Variants in SLC25A13 observed in about 807,000 individuals in gnomAD.
The protein encoded by SLC25A13 is electrogenic aspartate/glutamate antiporter SLC25A13, mitochondrial.
Under a neutral mutation model 85.5 loss-of-function variants are expected in SLC25A13, and 70 were observed. The ratio of observed to expected loss-of-function variants is 0.82; its 90% CI spans 0.68 to 1.00. SLC25A13 has a LOEUF of 1.00. Among genes scored for constraint, SLC25A13 ranks in the 50% least tolerant of loss-of-function variants. The pLI, the probability that SLC25A13 is intolerant of heterozygous loss-of-function variation, is 0.00. For missense variants in SLC25A13, 765 were observed against 819.8 expected, an observed-to-expected ratio of 0.93 and a Z score of 0.82; for synonymous variants, 259 against 288.7, an observed-to-expected ratio of 0.90 and a Z score of 1.04.
chr7:96,136,143 C>G (rs926941744), intron 14 of SLC25A13, among the ~76,000 whole-genome samples: 39 of 152,070 alleles, frequency 2.6e-4, no homozygotes, highest in African/African-American at 9.2e-4. Flanking sequence ...ATCAACTCTG[C>G]CTCCATTCCA....
intron 4 of SLC25A13, among the ~76,000 whole-genome samples, chr7:96,213,572 C>T (rs1795781374): frequency 6.6e-6 from 1 of 152,170 alleles, no homozygotes; most frequent in Non-Finnish European, 1.5e-5. Context: ...ATTCCCTGAC[C>T]ATTCCAAACC....
At chr7:96,289,013 G>A (rs1034649377) in intron 2 of SLC25A13, among the ~76,000 whole-genome samples, 5 of 152,180 alleles carry the variant, frequency 3.3e-5, no homozygotes, top group African/African-American at 7.2e-5. Context: ...CCCCCAGTAG[G>A]GGCAGATTGA....
intron 13 of SLC25A13, among the ~76,000 whole-genome samples, chr7:96,163,904 C>CATAT (rs758019509): frequency 3.8e-4 from 57 of 150,830 alleles, no homozygotes; most frequent in African/African-American, 1.3e-3. Context: ...TCTCTCTCTC[C>CATAT]ATATATATAT....
intron 3 of SLC25A13, among the ~76,000 whole-genome samples, chr7:96,242,099 G>A (rs1234012349): frequency 1.3e-5 from 2 of 152,188 alleles, no homozygotes; most frequent in South Asian, 2.1e-4. Context: ...CTAACCACAA[G>A]AGTACTTCAC....
intron 2 of SLC25A13, among the ~76,000 whole-genome samples, chr7:96,294,040 T>A (rs375512624): frequency 1.3e-5 from 2 of 152,054 alleles, no homozygotes; most frequent in Non-Finnish European, 2.9e-5. Flanking sequence ...CAAATGTCCA[T>A]CAATGATAGA....
chr7:96,172,849 C>T (rs898565893), intron 11 of SLC25A13, among the ~76,000 whole-genome samples: 1 of 152,118 alleles, frequency 6.6e-6, no homozygotes, highest in Non-Finnish European at 1.5e-5. Flanking sequence ...AGCTCCGCCT[C>T]TTGGGTTCAT....
intron 2 of SLC25A13, among the ~76,000 whole-genome samples, chr7:96,294,274 C>G: frequency 8.2e-6 from 1 of 122,622 alleles, no homozygotes; most frequent in East Asian, 2.7e-4. Context: ...ACACTGGGGC[C>G]TGTTGTGGGG....
intron 2 of SLC25A13, among the ~76,000 whole-genome samples, chr7:96,286,284 CA>C (rs34958208): frequency 0.63 from 68,608 of 109,308 alleles, 20,104 homozygotes; most frequent in Non-Finnish European, 0.67. Context: ...GACTCCATCT[CA>C]AAAAAAAAAA....
At chr7:96,261,908 T>C (rs1434113215) in intron 3 of SLC25A13, among the ~76,000 whole-genome samples, 2 of 152,198 alleles carry the variant, frequency 1.3e-5, no homozygotes, top group Middle Eastern at 3.2e-3. Flanking sequence ...CAACTCATCC[T>C]TTGATAAGAA....
chr7:96,211,280 C>T (rs777704965), intron 4 of SLC25A13, among the ~76,000 whole-genome samples: 5 of 152,114 alleles, frequency 3.3e-5, no homozygotes, highest in African/African-American at 4.8e-5. Context: ...GTGTGTGCCT[C>T]TATGAAATGC....
At chr7:96,169,328 C>A (rs913587464) in intron 13 of SLC25A13, among the ~76,000 whole-genome samples, 9 of 152,152 alleles carry the variant, frequency 5.9e-5, no homozygotes, top group East Asian at 1.9e-4. Flanking sequence ...ATAAAAAAAA[C>A]CAATATTGTA....
At chr7:96,320,614 TATAG>T (rs376557126) in intron 1 of SLC25A13, among the ~76,000 whole-genome samples, 15 of 152,240 alleles carry the variant, frequency 9.9e-5, no homozygotes, top group East Asian at 9.7e-4. Context: ...GCTGAAAAGT[TATAG>T]ATAGATATAC....
intron 10 of SLC25A13, chr7:96,184,675 A>T (rs1435878184): frequency 1.7e-5 from 11 of 629,092 alleles, no homozygotes; most frequent in Non-Finnish European, 3.0e-5. Context: ...CTACAGCCCA[A>T]CCTCATTAGT....
chr7:96,161,509 CT>C (rs1793508098), intron 13 of SLC25A13, among the ~76,000 whole-genome samples: 1 of 152,078 alleles, frequency 6.6e-6, no homozygotes, highest in East Asian at 1.9e-4. Context: ...TTTTAAGTTT[CT>C]TCCATATGTC....
chr7:96,129,487 A>G (rs1363458306), intron 15 of SLC25A13, among the ~76,000 whole-genome samples: 1 of 152,192 alleles, frequency 6.6e-6, no homozygotes, highest in African/African-American at 2.4e-5. Flanking sequence ...CTGATTCAAC[A>G]TAGGGGAAAA....
At chr7:96,160,609 T>C (rs1793470263) in intron 13 of SLC25A13, among the ~76,000 whole-genome samples, 2 of 152,164 alleles carry the variant, frequency 1.3e-5, no homozygotes, top group African/African-American at 2.4e-5. Context: ...GGATCCCTTT[T>C]ATAAGGGCAC....
intron 13 of SLC25A13, among the ~76,000 whole-genome samples, chr7:96,162,995 C>T (rs1793572822): frequency 6.6e-6 from 1 of 152,178 alleles, no homozygotes; most frequent in Non-Finnish European, 1.5e-5. Flanking sequence ...TCAGAGAAGG[C>T]ATGAGATGGG....
At chr7:96,172,153 C>T (rs1794029671) in intron 11 of SLC25A13, among the ~76,000 whole-genome samples, 1 of 152,184 alleles carries the variant, frequency 6.6e-6, no homozygotes, top group African/African-American at 2.4e-5. Flanking sequence ...CACTCTCTTC[C>T]TAAAGGAGCA....
rs1554337568 is a variant in SLC25A13 at position 96,134,812 on chromosome 7, T to TATATATATATATATATAA, written c.1453-2932_1453-2931insTTATATATATATATATAT. Among the ~76,000 whole-genome samples the TATATATATATATATATAA allele has an allele frequency of 1.0e-3, 153 of 146,268 alleles. 1 individual carries two copies. Among genetic ancestry groups the TATATATATATATATATAA allele is most frequent in the African/African-American group, 3.7e-3 (145 of 39,460 alleles). ...ACAATTTTATATATATATATATATA[T>TATATATATATATATATAA]AACCCTGAGGAAAGGGTAGAATTGC... On this transcript the variant is annotated intron_variant, in intron 14 of 17. Coordinates refer to ENST00000265631, the MANE Select transcript of SLC25A13 (RefSeq NM_014251.3).
Sources: allele counts gnomAD v4.1 joint callset (sites outside exome capture counted in the v4.1 genomes callset), GRCh38; gene constraint gnomAD v4.1.1; transcripts MANE v1.5; gene names NCBI Gene and HGNC (gene_info 2026-07-23, HGNC 2026-07-21).